Variants in MYOM1 observed in about 807,000 individuals in gnomAD.
MYOM1 encodes myomesin-1.
In MYOM1, 164 loss-of-function variants were observed where a neutral mutation model predicts 205.3. That is an observed-to-expected ratio of 0.80 (90% CI 0.70 to 0.91). The LOEUF (loss-of-function observed/expected upper bound fraction) is 0.91. Ranked by LOEUF, MYOM1 falls within the 40% of genes least tolerant of loss-of-function variation. The pLI is 0.00. For missense variants in MYOM1, 2,011 were observed against 2,127.3 expected (o/e 0.95, Z 1.08); for synonymous variants, 772 against 789.4 (o/e 0.98, Z 0.37).
intron 21 of MYOM1, among the ~76,000 whole-genome samples, chr18:3,112,861 A>C (rs916027176): frequency 5.3e-5 from 8 of 152,206 alleles, no homozygotes; most frequent in Non-Finnish European, 1.2e-4. Context: ...AAAAGAGGAG[A>C]ATTAAAAGCA....
the MYOM1 span, among the ~76,000 whole-genome samples, chr18:3,235,560 T>C: frequency 6.6e-6 from 1 of 152,240 alleles, no homozygotes; most frequent in Non-Finnish European, 1.5e-5. Flanking sequence ...TCCCTTTATA[T>C]TCTGCCTTCT....
chr18:3,197,230 G>A (rs904498579), intron 2 of MYOM1, among the ~76,000 whole-genome samples: 3 of 148,860 alleles, frequency 2.0e-5, no homozygotes, highest in East Asian at 2.0e-4. Context: ...TCTGCCTCCC[G>A]AGTTCAAACA....
At chr18:3,230,124 G>C in the MYOM1 span, among the ~76,000 whole-genome samples, 2 of 152,110 alleles carry the variant, frequency 1.3e-5, no homozygotes, top group South Asian at 4.1e-4. Context: ...TTTTTCCTGA[G>C]ATCATTATTA....
chr18:3,083,969 G>T lies in MYOM1; in HGVS notation c.4378+20C>A. On this transcript the variant is annotated intron_variant, in intron 32 of 37. Coordinates refer to ENST00000356443, the MANE Select transcript of MYOM1 (RefSeq NM_003803.4). ...AGGAGGATCATAAAGCATTGTTGTG[G>T]TGCGAAATGTTTGACTCACCTATTT... 1 of 1,586,678 alleles carries T rather than the reference G, an allele frequency of 6.3e-7. No individual in the cohort carries two copies. The highest frequency in any genetic ancestry group is 8.6e-7 in the Non-Finnish European group (1 of 1,164,868).
At chr18:3,108,127 C>T (rs796248637) in intron 22 of MYOM1, among the ~76,000 whole-genome samples, 2 of 152,150 alleles carry the variant, frequency 1.3e-5, no homozygotes, top group Admixed American at 1.3e-4. Flanking sequence ...TAAAAAAATG[C>T]CCTTACTCAA....
chr18:3,124,303 C>CTTTTTTT (rs34118507), intron 19 of MYOM1, among the ~76,000 whole-genome samples: 2 of 130,902 alleles, frequency 1.5e-5, no homozygotes, highest in Non-Finnish European at 3.1e-5. Flanking sequence ...TTTCTTTTTT[C>CTTTTTTT]TTTTTTTTTT....
At chr18:3,214,499 G>C (rs2081231391) in intron 2 of MYOM1, among the ~76,000 whole-genome samples, 1 of 152,212 alleles carries the variant, frequency 6.6e-6, no homozygotes, top group Non-Finnish European at 1.5e-5. Flanking sequence ...CTGCACACTT[G>C]GTTGAAATGC....
At chr18:3,149,837 T>G (rs1296821993) in intron 12 of MYOM1, among the ~76,000 whole-genome samples, 1 of 152,170 alleles carries the variant, frequency 6.6e-6, no homozygotes, top group Non-Finnish European at 1.5e-5. Context: ...GGGGACTTTT[T>G]GTCAGGGTTT....
chr18:3,168,267 T>C (rs912449418), intron 9 of MYOM1, among the ~76,000 whole-genome samples: 7 of 151,400 alleles, frequency 4.6e-5, no homozygotes, highest in African/African-American at 1.7e-4. Flanking sequence ...ATGGGTATTT[T>C]ACCAAATGGA....
chr18:3,193,142 C>T (rs2080935682), intron 3 of MYOM1, among the ~76,000 whole-genome samples: 1 of 151,802 alleles, frequency 6.6e-6, no homozygotes, highest in Admixed American at 6.6e-5. Flanking sequence ...GGTGTGGTGG[C>T]TCGTGCCTGT....
intron 13 of MYOM1, among the ~76,000 whole-genome samples, chr18:3,142,940 G>A (rs2143945660): frequency 6.6e-6 from 1 of 152,212 alleles, no homozygotes; most frequent in East Asian, 1.9e-4. Flanking sequence ...GACTCCAGAG[G>A]TCAAGAAAAA....
At chr18:3,146,992 T>TA (rs979497917) in intron 13 of MYOM1, among the ~76,000 whole-genome samples, 2 of 148,272 alleles carry the variant, frequency 1.3e-5, no homozygotes, top group African/African-American at 2.5e-5. Context: ...AAAAACAAAT[T>TA]AAAATAAAAA....
rs773835613 is a variant in MYOM1, at chr18:3,090,734, C to T, written c.3933G>A (p.Glu1311=). 1.2e-6 allele frequency: 2 copies of T among 1,613,962 alleles called. No individual in the cohort carries two copies. Among genetic ancestry groups the T allele is most frequent in the South Asian group, 1.1e-5 (1 of 91,080 alleles). ...IEMFMEKLQD[E]DEGTYTFQLQ... is the part of the protein sequence containing the mutation. The stretch of plus-strand genomic sequence containing the variant: ...GCTGGAAAGTGTACGTTCCCTCATC[C>T]TCATCCTGTAGCTTTTCCATGAACA... Residue 1311 remains glutamate, a synonymous_variant, in exon 27 of 38, where the codon GAG becomes GAA. Coordinates refer to ENST00000356443, the MANE Select transcript of MYOM1 (RefSeq NM_003803.4).
chr18:3,247,093 G>A, the MYOM1 span: 1 of 152,198 alleles, frequency 6.6e-6, no homozygotes, highest in African/African-American at 2.4e-5. Context: ...GTTAGCCAGG[G>A]TCAAAGGGGC....
chr18:3,222,238 T>A (rs1349132404), upstream of MYOM1, among the ~76,000 whole-genome samples: 4 of 152,172 alleles, frequency 2.6e-5, no homozygotes, highest in African/African-American at 4.8e-5. Context: ...GAGCCCAAGT[T>A]TTTCTTCTTT....
intron 36 of MYOM1, among the ~76,000 whole-genome samples, chr18:3,073,849 T>C (rs927352082): frequency 2.0e-5 from 3 of 152,188 alleles, no homozygotes; most frequent in Admixed American, 1.3e-4. Context: ...GAGGGAAACC[T>C]GCTTGGAGAA....
At chr18:3,154,485 A>G (rs1307941312) in intron 11 of MYOM1, among the ~76,000 whole-genome samples, 2 of 151,904 alleles carry the variant, frequency 1.3e-5, no homozygotes, top group African/African-American at 2.4e-5. Context: ...CTAAGTTCCA[A>G]AGATGAATTT....
intron 21 of MYOM1, among the ~76,000 whole-genome samples, chr18:3,113,871 G>A (rs1229637355): frequency 2.0e-5 from 3 of 152,168 alleles, no homozygotes; most frequent in Non-Finnish European, 4.4e-5. Context: ...ATTATGTGAA[G>A]TGTTTGTGAC....
intron 22 of MYOM1, among the ~76,000 whole-genome samples, chr18:3,110,167 A>G (rs2079505538): frequency 6.6e-6 from 1 of 152,226 alleles, no homozygotes; most frequent in South Asian, 2.1e-4. Flanking sequence ...TTACATGAGC[A>G]TGAATATATC....
Sources: gnomAD v4.1 joint callset for allele counts (sites outside exome capture counted in the v4.1 genomes callset) on GRCh38, gnomAD v4.1.1 for gene constraint, MANE v1.5 for transcripts, NCBI Gene and HGNC (gene_info 2026-07-23, HGNC 2026-07-21) for gene names.